The following TRMU variants were observed in gnomAD, a reference collection of about 807,000 sequenced individuals.
The protein encoded by TRMU is tRNA mitochondrial 2-thiouridylase, also known as mitochondrial tRNA-specific 2-thiouridylase 1.
In TRMU, 49 loss-of-function variants were observed where a neutral mutation model predicts 46.9. That is an observed-to-expected ratio of 1.05 (90% CI 0.83 to 1.33). The LOEUF is 1.33. TRMU is among the 40% of genes most tolerant of loss of function. The pLI is 0.00. For synonymous variants in TRMU, 241 were observed against 200.9 expected, an observed-to-expected ratio of 1.20 and a Z score of -1.69; for missense variants, 572 against 532.4, an observed-to-expected ratio of 1.07 and a Z score of -0.73.
chr22:46,351,260 C>T lies in TRMU; in HGVS notation c.651+797C>T, dbSNP rs1470609547. On this transcript the variant is annotated intron_variant, in intron 5 of 10. Transcript: ENST00000645190. The surrounding 1 kb of genome is among the most constrained non-coding windows in gnomAD (Gnocchi z 6.4). ...GTGCCTGCCTGTGGCCCCAGCTCCT[C>T]AGGAGGATCGAGCGCACCCAGGAGT... Among the ~76,000 whole-genome samples, 1 of 152,194 alleles carries T rather than the reference C, an allele frequency of 6.6e-6. No individual in the cohort carries two copies. Among genetic ancestry groups the T allele is most frequent in the Non-Finnish European group, 1.5e-5 (1 of 68,032 alleles).
At position 46,336,425 on chromosome 22, in the gene TRMU, T is replaced by G. The variant is rs144008788; in HGVS notation, c.82+579T>G. The G allele has an allele frequency of 1.3e-3, 200 of 152,886 alleles. 1 individual carries two copies. Among genetic ancestry groups the G allele is most frequent in the Non-Finnish European group, 2.5e-3 (172 of 68,378 alleles). 9.5% of individuals were successfully genotyped at this position (152,886 alleles called of 1,614,324 possible). A position where few individuals can be genotyped will look rare whatever the true frequency, so the allele number is the denominator to read the frequency against. ...AACGGAGCCCCACGGGTGCTTAGCATTCCTCGGGCCCGGCGCTGAAATGAG... is the reference window on the plus strand; with the variant it reads ...AACGGAGCCCCACGGGTGCTTAGCAGTCCTCGGGCCCGGCGCTGAAATGAG... On this transcript the variant is annotated intron_variant, in intron 1 of 10. Transcript: ENST00000645190. This position sits in a 1 kb window ranked among gnomAD's most constrained non-coding sequence, Gnocchi z 4.1.
At position 46,350,183 on chromosome 22, in the gene TRMU, C is replaced by G. The variant is rs771569222; in HGVS notation, c.479-108C>G. The G allele has an allele frequency of 1.5e-6, 2 of 1,377,396 alleles. No homozygotes were observed. The highest frequency in any genetic ancestry group is 1.8e-5 in the Admixed American group (1 of 56,650). The allele number at this position is 1,377,396 out of a possible 1,614,324, so 85.3% of individuals were successfully genotyped here. On this transcript the variant is annotated intron_variant, in intron 4 of 10. Coordinates refer to ENST00000645190, the MANE Select transcript of TRMU (RefSeq NM_018006.5). This position sits in a 1 kb window ranked among gnomAD's most constrained non-coding sequence, Gnocchi z 4.6. ...GTTGCTATTGAGTGTTGATGTCTGC[C>G]TCTGACAGGCTAGGGGTAGTCTGTC...
rs1186348559 is a variant in TRMU, at chr22:46,338,117, C to T, written c.248+173C>T. 24 of 833,732 alleles carry T rather than the reference C, an allele frequency of 2.9e-5. No individual in the cohort carries two copies. The highest frequency in any genetic ancestry group is 2.2e-4 in the South Asian group (15 of 67,922). 51.6% of individuals were successfully genotyped at this position (833,732 alleles called of 1,614,324 possible). A position where few individuals can be genotyped will look rare whatever the true frequency, so the allele number is the denominator to read the frequency against. On this transcript the variant is annotated intron_variant, in intron 2 of 10. Transcript: ENST00000645190. This position sits in a 1 kb window ranked among gnomAD's most constrained non-coding sequence, Gnocchi z 4.5. ...CACCCTCGGGGCTCTGTGTTAGAGG[C>T]GAGGCCTGGACCCCACAGCACACCC...
rs981345170 is a variant in TRMU at position 46,336,012 on chromosome 22, C to T, written c.82+166C>T. The T allele has an allele frequency of 1.3e-5, 19 of 1,445,450 alleles. No individual in the cohort carries two copies. Among genetic ancestry groups the T allele is most frequent in the Middle Eastern group, 1.8e-4 (1 of 5,438 alleles). The allele number at this position is 1,445,450 out of a possible 1,614,324, so 89.5% of individuals were successfully genotyped here. A position where few individuals can be genotyped will look rare whatever the true frequency, so the allele number is the denominator to read the frequency against. On this transcript the variant is annotated intron_variant, in intron 1 of 10. Transcript: ENST00000645190. This position sits in a 1 kb window ranked among gnomAD's most constrained non-coding sequence, Gnocchi z 4.1. The stretch of plus-strand genomic sequence containing the variant: ...CTGACTTTGGTTCGGAGGCTCCTCG[C>T]CCTCCACCTGTGTAGTCGGAGGTGT...
chr22:46,345,854 A>G (rs2078242190), intron 3 of TRMU, among the ~76,000 whole-genome samples: 1 of 151,352 alleles, frequency 6.6e-6, no homozygotes, highest in African/African-American at 2.4e-5. Context: ...TGCAGCCTCA[A>G]CCTCCCAGGT....
chr22:46,351,163 G>A lies in TRMU; in HGVS notation c.651+700G>A, dbSNP rs867863588. Among the ~76,000 whole-genome samples the A allele has an allele frequency of 5.3e-5, 8 of 152,302 alleles. No homozygotes were observed. The highest frequency in any genetic ancestry group is 3.4e-3 in the Middle Eastern group (1 of 294). On this transcript the variant is annotated intron_variant, in intron 5 of 10. Transcript: ENST00000645190. The surrounding 1 kb of genome is among the most constrained non-coding windows in gnomAD (Gnocchi z 6.4). ...AGGATCCGGTGTCCCAGAGAGGGCT[G>A]GGAAAGTCCAGATGAGGGAACGGCA...
rs1298975350 is a variant in TRMU, at chr22:46,338,860, C to T, written c.248+916C>T. ...GGCCATGTGCGCGGGACAGGCTGCC[C>T]CTGCCTGAGTGGGCTTTAGGGGCAG... On this transcript the variant is annotated intron_variant, in intron 2 of 10. Transcript: ENST00000645190. This position sits in a 1 kb window ranked among gnomAD's most constrained non-coding sequence, Gnocchi z 4.5. Among the ~76,000 whole-genome samples, 1 of 152,158 alleles carries T rather than the reference C, an allele frequency of 6.6e-6. No individual in the cohort carries two copies. Among genetic ancestry groups the T allele is most frequent in the Admixed American group, 6.5e-5 (1 of 15,286 alleles).
chr22:46,337,684 A>G, intron 1 of TRMU, 95 bp from the exon 2 acceptor site: 1 of 1,510,552 alleles, frequency 6.6e-7, no homozygotes, highest in Non-Finnish European at 9.1e-7. Flanking sequence ...GCACAGGAGC[A>G]CAGCGTGTGG....
Position 46,339,181 on chromosome 22 carries a change from G to A in TRMU, c.248+1237G>A, listed in dbSNP as rs558256930. ...CTATTTTTTTTTGAGACAGAGCCTC[G>A]CTCTGTTGCCCAGGCTGGAGTGCAG... On this transcript the variant is annotated intron_variant, in intron 2 of 10. Transcript: ENST00000645190. This position sits in a 1 kb window ranked among gnomAD's most constrained non-coding sequence, Gnocchi z 4.8. Among the ~76,000 whole-genome samples the A allele has an allele frequency of 6.6e-6, 1 of 152,002 alleles. No homozygotes were observed. Among genetic ancestry groups the A allele is most frequent in the African/African-American group, 2.4e-5 (1 of 41,438 alleles).
chr22:46,356,984 C>T lies in TRMU; in HGVS notation c.1244C>T (p.Pro415Leu). The T allele has an allele frequency of 6.2e-7, 1 of 1,613,582 alleles. No homozygotes were observed. Among genetic ancestry groups the T allele is most frequent in the Non-Finnish European group, 8.5e-7 (1 of 1,180,016 alleles). ...ESPSDSPEDG[P>L]GLSPLL ...CCCAGTGACAGCCCAGAAGATGGTCCAGGCCTGAGTCCCTTGCTCTGACAG... is the reference window on the plus strand; with the variant it reads ...CCCAGTGACAGCCCAGAAGATGGTCTAGGCCTGAGTCCCTTGCTCTGACAG... The change falls in exon 11 of 11, where the codon CCA becomes CTA. Residue 415 changes from proline (P) to leucine (L), a missense_variant. Pro to Leu is a moderately conservative substitution (Grantham distance 98, BLOSUM62 -3). Coordinates refer to ENST00000645190, the MANE Select transcript of TRMU (RefSeq NM_018006.5).
At chr22:46,355,861 TG>T in intron 9 of TRMU, 128 bp from the exon 10 acceptor site, 1 of 1,133,960 alleles carries the variant, frequency 8.8e-7, no homozygotes, top group Non-Finnish European at 1.3e-6. Flanking sequence ...GGGCCCAGGC[TG>T]GTGCCCTGCC....
intron 7 of TRMU, 182 bp downstream of exon 7, chr22:46,352,512 G>A: frequency 1.5e-6 from 1 of 686,188 alleles, no homozygotes; most frequent in East Asian, 2.7e-5. Flanking sequence ...ATGGTGGCTG[G>A]GTGCACTTCC....
In TRMU at chr22:46,355,987, C is replaced by T. The variant is rs1247820151; in HGVS notation, c.1019-3C>T. The stretch of plus-strand genomic sequence containing the variant: ...CCTCCAAGGGCCCCTCTCTTCTACC[C>T]AGTGCCCTGTGTGCTGACCCTCAAT... On this transcript the variant is annotated splice_region_variant and splice_polypyrimidine_tract_variant and intron_variant, in intron 9 of 10. Transcript: ENST00000645190. 4 of 1,613,832 alleles carry T rather than the reference C, an allele frequency of 2.5e-6. No individual in the cohort carries two copies. Among genetic ancestry groups the T allele is most frequent in the Admixed American group, 1.7e-5 (1 of 60,010 alleles).
At chr22:46,356,440 G>C in intron 10 of TRMU, 1 of 425,400 alleles carries the variant, frequency 2.4e-6, no homozygotes, top group Non-Finnish European at 4.4e-6. Context: ...GGCGCCTGGT[G>C]GGTGTAGGCC....
rs755898860 is a variant in TRMU at position 46,352,187 on chromosome 22, C to G, written c.705+13C>G. The G allele has an allele frequency of 1.2e-6, 2 of 1,614,092 alleles. No individual in the cohort carries two copies. Among genetic ancestry groups the G allele is most frequent in the African/African-American group, 1.3e-5 (1 of 74,940 alleles). On this transcript the variant is annotated intron_variant, in intron 6 of 10. Transcript: ENST00000645190. ...TTTCCTTCTTCAGGTGCGTGCTGCT[C>G]TTTGACACAAAGAGATGGGGCTGCG...
Position 46,351,805 on chromosome 22 carries a change from C to G in TRMU, c.652-316C>G. On this transcript the variant is annotated intron_variant, in intron 5 of 10. Coordinates refer to ENST00000645190, the MANE Select transcript of TRMU (RefSeq NM_018006.5). This position sits in a 1 kb window ranked among gnomAD's most constrained non-coding sequence, Gnocchi z 6.4. ...TGCCCCTTCTCTGGTCCCTGTCTCT[C>G]CCCCACTCCTCGCAGGACAGTGGCC... 2.2e-6 allele frequency: 1 copy of G among 460,040 alleles called. No individual in the cohort carries two copies. Among genetic ancestry groups the G allele is most frequent in the Non-Finnish European group, 4.0e-6 (1 of 248,732 alleles). 28.5% of individuals were successfully genotyped at this position (460,040 alleles called of 1,614,324 possible).
rs1158016079 is a variant in TRMU at position 46,336,724 on chromosome 22, G to A, written c.82+878G>A. On this transcript the variant is annotated intron_variant, in intron 1 of 10. Transcript: ENST00000645190. This position sits in a 1 kb window ranked among gnomAD's most constrained non-coding sequence, Gnocchi z 4.1. ...TATTGTTAATAACCATAGCTATTAT[G>A]GTAGGTACAGTAAGTGCCAAAGAGA... The A allele has an allele frequency of 6.6e-6, 1 of 152,236 alleles. No homozygotes were observed. The highest frequency in any genetic ancestry group is 1.5e-5 in the Non-Finnish European group (1 of 68,092). 9.4% of individuals were successfully genotyped at this position (152,236 alleles called of 1,614,324 possible).
intron 9 of TRMU, 149 bp from the exon 10 acceptor site, chr22:46,355,838 CCTG>C: frequency 1.9e-6 from 2 of 1,027,928 alleles, no homozygotes; most frequent in Non-Finnish European, 2.9e-6. Flanking sequence ...CCCGCAGTGT[CCTG>C]CTGCGTCCAG....
rs745773981 is a variant in TRMU, at chr22:46,339,714, C to T, written c.248+1770C>T. ...AATTTAGAGAGATTAAGTAAATTGA[C>T]TATGGTCACCTAAATAATCAACGGA... On this transcript the variant is annotated intron_variant, in intron 2 of 10. Transcript: ENST00000645190. The surrounding 1 kb of genome is among the most constrained non-coding windows in gnomAD (Gnocchi z 4.8). 6.6e-6 allele frequency among the ~76,000 whole-genome samples: 1 copy of T among 152,156 alleles called. No individual in the cohort carries two copies. Among genetic ancestry groups the T allele is most frequent in the Non-Finnish European group, 1.5e-5 (1 of 68,036 alleles).
Sources: gnomAD v4.1 joint callset for allele counts (sites outside exome capture counted in the v4.1 genomes callset) on GRCh38, gnomAD v4.1.1 for gene constraint, Gnocchi (gnomAD v3.1) non-coding constraint, MANE v1.5 for transcripts, NCBI Gene and HGNC (gene_info 2026-07-23, HGNC 2026-07-21) for gene names.